The following CAP1 variants were observed in gnomAD, a reference collection of about 807,000 sequenced individuals.
CAP1 encodes the protein cyclase associated actin cytoskeleton regulatory protein 1, also known as adenylyl cyclase-associated protein 1.
A neutral mutation model predicts 58.2 loss-of-function variants in CAP1; 11 were observed. The ratio of observed to expected loss-of-function variants is 0.19; its 90% CI spans 0.12 to 0.31. The LOEUF (loss-of-function observed/expected upper bound fraction) is 0.31. Among genes scored for constraint, CAP1 ranks in the 10% least tolerant of loss-of-function variants. The pLI, the probability that CAP1 is intolerant of heterozygous loss-of-function variation, is 1.00. For missense variants in CAP1, 423 were observed against 587.5 expected, an observed-to-expected ratio of 0.72 and a Z score of 2.89; for synonymous variants, 183 against 213.8, an observed-to-expected ratio of 0.86 and a Z score of 1.26.
Position 40,069,816 on chromosome 1 carries a change from A to G in CAP1, c.935A>G (p.Lys312Arg), listed in dbSNP as rs1228368885. ...APKPQTSPSP[K>R]RATKKEPAVL... ...AAACCCCAAACCAGCCCATCCCCCA[A>G]ACGAGCCACAAAGAAGGAGCCAGCT... Residue 312 changes from lysine to arginine, a missense_variant, in exon 9 of 13, where the codon AAA becomes AGA. Transcript: ENST00000372805. The G allele has an allele frequency of 3.7e-6, 6 of 1,600,804 alleles. No individual in the cohort carries two copies. The East Asian group carries it at 1.1e-4, about 30-fold the overall frequency.
At chr1:40,068,295 G>C (rs1345674515) in intron 8 of CAP1, among the ~76,000 whole-genome samples, 1 of 151,886 alleles carries the variant, frequency 6.6e-6, no homozygotes, top group Middle Eastern at 3.4e-3. Flanking sequence ...TTTTTGAGAC[G>C]GAGTTTTGCT....
chr1:40,042,774 A>G (rs1214919032), intron 1 of CAP1, among the ~76,000 whole-genome samples: 2 of 152,208 alleles, frequency 1.3e-5, no homozygotes, highest in African/African-American at 2.4e-5. Context: ...TGCTGTAGAC[A>G]TGGCCTGAAC....
intron 4 of CAP1, 115 bp from the exon 5 acceptor site, chr1:40,064,112 A>C: frequency 1.1e-6 from 1 of 902,752 alleles, no homozygotes. Context: ...GGACTCATGC[A>C]GTTTATTTGG....
intron 1 of CAP1, among the ~76,000 whole-genome samples, chr1:40,057,655 C>T (rs989796432): frequency 6.6e-6 from 1 of 151,950 alleles, no homozygotes; most frequent in Non-Finnish European, 1.5e-5. Context: ...TTATCTCTTC[C>T]ACAGGGAGGA....
intron 5 of CAP1, 48 bp downstream of exon 5, chr1:40,064,418 G>A: frequency 1.2e-6 from 2 of 1,613,394 alleles, no homozygotes; most frequent in African/African-American, 1.3e-5. Flanking sequence ...GATTTTAAGA[G>A]GGAAGGCAAT....
intron 1 of CAP1, among the ~76,000 whole-genome samples, chr1:40,053,398 A>G (rs1204123507): frequency 6.6e-6 from 1 of 152,174 alleles, no homozygotes; most frequent in Non-Finnish European, 1.5e-5. Context: ...AGTAGGATTC[A>G]GAATATTTGT....
intron 1 of CAP1, chr1:40,057,460 G>A (rs1389957396): frequency 6.6e-6 from 1 of 152,116 alleles, no homozygotes; most frequent in Non-Finnish European, 1.5e-5. Flanking sequence ...TAGACCTGGA[G>A]GCTTCTGCTG....
intron 8 of CAP1, among the ~76,000 whole-genome samples, chr1:40,069,078 G>A (rs903492055): frequency 6.6e-5 from 10 of 152,240 alleles, no homozygotes; most frequent in African/African-American, 1.9e-4. Context: ...CAGGTGATCC[G>A]CCTGCCTTGG....
At chr1:40,046,322 G>A (rs1646099903) in intron 1 of CAP1, among the ~76,000 whole-genome samples, 1 of 152,092 alleles carries the variant, frequency 6.6e-6, no homozygotes, top group African/African-American at 2.4e-5. Flanking sequence ...TGGGTGTGGT[G>A]GCATGTACCG....
In CAP1 at chr1:40,062,975, G is replaced by GT. The variant is rs1646918767; in HGVS notation, c.294+1169dup. Among the ~76,000 whole-genome samples, 13 of 151,614 alleles carry GT rather than the reference G, an allele frequency of 8.6e-5. No homozygotes were observed. In the South Asian group the frequency reaches 2.7e-3, roughly 32 times the overall value. On this transcript the variant is annotated intron_variant, in intron 4 of 12. Coordinates refer to ENST00000372805, the MANE Select transcript of CAP1 (RefSeq NM_006367.4). Reference sequence around the variant, plus strand: ...CTACTTGAATGCTAAGCCCCTAATTGTTTTTTATTTTATTTATGTTTAAAA... The same window carrying GT: ...CTACTTGAATGCTAAGCCCCTAATTGTTTTTTTATTTTATTTATGTTTAAAA...
intron 3 of CAP1, among the ~76,000 whole-genome samples, chr1:40,060,722 C>A (rs76313251): frequency 1.3e-3 from 189 of 149,048 alleles, no homozygotes; most frequent in African/African-American, 4.5e-3. Context: ...TTTTGGGACC[C>A]AAAAACCTTC....
intron 1 of CAP1, among the ~76,000 whole-genome samples, chr1:40,043,303 T>A (rs554861856): frequency 6.6e-6 from 1 of 152,254 alleles, no homozygotes; most frequent in Admixed American, 6.5e-5. Flanking sequence ...GTTCAAGGAA[T>A]TCTCCTGCCT....
chr1:40,054,951 C>G (rs549284300), intron 1 of CAP1, among the ~76,000 whole-genome samples: 109 of 152,246 alleles, frequency 7.2e-4, no homozygotes, highest in Middle Eastern at 3.4e-3. Flanking sequence ...CCACCATGCC[C>G]GGCCAAATAA....
Position 40,053,948 on chromosome 1 carries a change from T to C in CAP1, c.-10-5389T>C, listed in dbSNP as rs368415803. On this transcript the variant is annotated intron_variant, in intron 1 of 12. Coordinates refer to ENST00000372805, the MANE Select transcript of CAP1 (RefSeq NM_006367.4). ...TATTCTAAGAAGAGTACTTTCCTTA[T>C]GGTACTTAGTTTGAAGATCTCTATA... 9.8e-5 allele frequency among the ~76,000 whole-genome samples: 15 copies of C among 152,336 alleles called. 1 individual carries two copies. Among genetic ancestry groups the C allele is most frequent in the East Asian group, 3.9e-4 (2 of 5,192 alleles).
Position 40,043,162 on chromosome 1 carries a change from AAAG to A in CAP1, c.-11+2362_-11+2364del, listed in dbSNP as rs77173342. On this transcript the variant is annotated intron_variant, in intron 1 of 12. Transcript: ENST00000372805. Reference sequence around the variant, plus strand: ...GTTTTGCAGAAGACCAGACTGCAAAAAAGGTTAGATGTCGGCCAAGTTGTGAAG... The same window carrying A: ...GTTTTGCAGAAGACCAGACTGCAAAAGTTAGATGTCGGCCAAGTTGTGAAG... 3.9e-3 allele frequency among the ~76,000 whole-genome samples: 591 copies of A among 152,222 alleles called. 15 individuals are homozygous for A. The highest frequency in any genetic ancestry group is 0.037 in the East Asian group (191 of 5,186).
At chr1:40,071,421 T>A in intron 12 of CAP1, 29 bp from the exon 13 acceptor site, 1 of 1,531,456 alleles carries the variant, frequency 6.5e-7, no homozygotes, top group South Asian at 1.1e-5. Flanking sequence ...AGCTCAGATT[T>A]AAACCTGCTG....
rs1646760316 is a variant in CAP1 at position 40,059,590 on chromosome 1, T to C, written c.112+132T>C. ...GTTTACCTTTTGTAATTTGTATTGC[T>C]GTGAACAGATAAGAGAGGAAATGAC... On this transcript the variant is annotated intron_variant, in intron 2 of 12. Transcript: ENST00000372805. The C allele has an allele frequency of 6.5e-6, 4 of 612,324 alleles. No homozygotes were observed. In the Admixed American group the frequency reaches 9.1e-5, roughly 14 times the overall value. 37.9% of individuals were successfully genotyped at this position (612,324 alleles called of 1,614,324 possible). A position where few individuals can be genotyped will look rare whatever the true frequency, so the allele number is the denominator to read the frequency against.
chr1:40,050,198 G>A (rs188733942), intron 1 of CAP1, among the ~76,000 whole-genome samples: 169 of 152,114 alleles, frequency 1.1e-3, no homozygotes, highest in Non-Finnish European at 2.2e-3. Context: ...CTGAGAGCCA[G>A]TGAGTCGATA....
intron 6 of CAP1, among the ~76,000 whole-genome samples, chr1:40,065,345 G>C (rs894125803): frequency 2.0e-5 from 3 of 152,214 alleles, no homozygotes; most frequent in Admixed American, 6.5e-5. Flanking sequence ...TCCATTGCTG[G>C]TTTTGAGCTG....
Sources: allele counts gnomAD v4.1 joint callset (sites outside exome capture counted in the v4.1 genomes callset), GRCh38; gene constraint gnomAD v4.1.1; transcripts MANE v1.5; gene names NCBI Gene and HGNC (gene_info 2026-07-23, HGNC 2026-07-21).